Variants in AGBL4 observed in about 807,000 individuals in gnomAD.
AGBL4 encodes cytosolic carboxypeptidase 6.
A neutral mutation model predicts 66.4 loss-of-function variants in AGBL4; 58 were observed. That is an observed-to-expected ratio of 0.87 (90% CI 0.71 to 1.09). AGBL4 has a LOEUF of 1.09. Ranked by LOEUF, AGBL4 falls within the 50% of genes least tolerant of loss-of-function variation. The pLI is 0.00. For missense variants in AGBL4, 579 were observed against 631.0 expected (o/e 0.92, Z 0.88); for synonymous variants, 234 against 222.9 (o/e 1.05, Z -0.44).
At chr1:49,151,959 A>G (rs1465346851) in intron 4 of AGBL4, among the ~76,000 whole-genome samples, 1 of 152,184 alleles carries the variant, frequency 6.6e-6, no homozygotes, top group East Asian at 1.9e-4. Context: ...GAAGGCAACA[A>G]ATAGGAAAAA....
At chr1:49,790,121 G>A (rs561328686) in intron 2 of AGBL4, among the ~76,000 whole-genome samples, 3 of 152,254 alleles carry the variant, frequency 2.0e-5, no homozygotes, top group Admixed American at 2.0e-4. Context: ...GCTCACGCCT[G>A]TAATCCCAGC....
At chr1:49,307,326 AAAAC>A (rs1248325411) in intron 3 of AGBL4, among the ~76,000 whole-genome samples, 4 of 152,104 alleles carry the variant, frequency 2.6e-5, no homozygotes, top group African/African-American at 9.7e-5. Flanking sequence ...GATGAAAACA[AAAAC>A]AAAAACAAAA....
At chr1:48,967,695 G>T (rs748659501) in intron 5 of AGBL4, among the ~76,000 whole-genome samples, 71 of 152,258 alleles carry the variant, frequency 4.7e-4, no homozygotes, top group Admixed American at 2.6e-3. Context: ...AGTAGGAAAT[G>T]GGTAGAAAGG....
chr1:49,437,144 C>T (rs897423358), intron 3 of AGBL4, among the ~76,000 whole-genome samples: 2 of 152,048 alleles, frequency 1.3e-5, no homozygotes, highest in Non-Finnish European at 2.9e-5. Flanking sequence ...GAGGACAGCC[C>T]GGGTCAGAGA....
chr1:49,550,897 C>T (rs938905224), intron 3 of AGBL4, among the ~76,000 whole-genome samples: 6 of 152,096 alleles, frequency 3.9e-5, no homozygotes, highest in African/African-American at 1.2e-4. Flanking sequence ...ATATGTTTTC[C>T]AAGCTTTTAG....
intron 6 of AGBL4, among the ~76,000 whole-genome samples, chr1:48,677,436 G>T (rs1191478017): frequency 6.6e-6 from 1 of 152,092 alleles, no homozygotes; most frequent in African/African-American, 2.4e-5. Flanking sequence ...ACAGATCCAG[G>T]CTCCTAGGAG....
chr1:49,075,707 A>T (rs908200282), intron 4 of AGBL4, among the ~76,000 whole-genome samples: 4 of 152,180 alleles, frequency 2.6e-5, no homozygotes, highest in Admixed American at 6.5e-5. Flanking sequence ...AAACTAATGA[A>T]CTGTGTTTCC....
At chr1:49,214,301 G>A (rs1396047824) in intron 4 of AGBL4, among the ~76,000 whole-genome samples, 1 of 152,088 alleles carries the variant, frequency 6.6e-6, no homozygotes, top group African/African-American at 2.4e-5. Context: ...TCCAGTACAC[G>A]ATGCACAAAA....
At chr1:48,651,232 C>G (rs1645924878) in intron 8 of AGBL4, among the ~76,000 whole-genome samples, 1 of 152,152 alleles carries the variant, frequency 6.6e-6, no homozygotes, top group African/African-American at 2.4e-5. Context: ...GGTGAAACCA[C>G]TTCTGAGGGT....
intron 1 of AGBL4, among the ~76,000 whole-genome samples, chr1:50,002,359 CTTTTTTTTTTTTT>C (rs372960346): frequency 5.8e-4 from 56 of 96,024 alleles, no homozygotes; most frequent in Admixed American, 6.4e-4. Context: ...TGCCCTAGTT[CTTTTTTTTTTTTT>C]TTTTTTTTTT....
chr1:48,623,930 C>G (rs918755574), intron 9 of AGBL4, among the ~76,000 whole-genome samples: 7 of 152,210 alleles, frequency 4.6e-5, no homozygotes, highest in African/African-American at 1.4e-4. Context: ...GAGTGTCAGA[C>G]TACCCACAGA....
At chr1:49,197,993 T>C (rs1474625308) in intron 4 of AGBL4, among the ~76,000 whole-genome samples, 1 of 152,154 alleles carries the variant, frequency 6.6e-6, no homozygotes, top group African/African-American at 2.4e-5. Flanking sequence ...TTGAGAATGG[T>C]GTCCACACCC....
chr1:49,698,610 T>C (rs1647030599), intron 2 of AGBL4, among the ~76,000 whole-genome samples: 1 of 152,024 alleles, frequency 6.6e-6, no homozygotes, highest in South Asian at 2.1e-4. Flanking sequence ...CACTAGACAA[T>C]ATAGCTGTCT....
intron 4 of AGBL4, among the ~76,000 whole-genome samples, chr1:49,054,793 A>G (rs1023829757): frequency 3.3e-5 from 5 of 152,006 alleles, no homozygotes; most frequent in African/African-American, 1.2e-4. Context: ...TTGAGTCTTT[A>G]ATAAAGGCTC....
At chr1:50,013,938 T>A (rs1046115095) in intron 1 of AGBL4, among the ~76,000 whole-genome samples, 1 of 152,216 alleles carries the variant, frequency 6.6e-6, no homozygotes, top group South Asian at 2.1e-4. Context: ...AGTATCTCCA[T>A]TTAAACATGA....
the AGBL4 span, among the ~76,000 whole-genome samples, chr1:48,524,848 CTTT>C: frequency 6.9e-6 from 1 of 144,344 alleles, no homozygotes; most frequent in Non-Finnish European, 1.5e-5. Context: ...CAGCTTTCTC[CTTT>C]TTTTTTTTTT....
chr1:49,062,277 C>T (rs1644416922), intron 4 of AGBL4, among the ~76,000 whole-genome samples: 1 of 152,182 alleles, frequency 6.6e-6, no homozygotes, highest in Admixed American at 6.5e-5. Context: ...TCTTTGGTCT[C>T]ACTTCCTCTA....
In AGBL4 at chr1:48,881,726, A is replaced by G. The variant is rs145651529; in HGVS notation, c.595-14496T>C. 2.0e-3 allele frequency among the ~76,000 whole-genome samples: 305 copies of G among 152,268 alleles called. 2 individuals carry two copies. Among genetic ancestry groups the G allele is most frequent in the African/African-American group, 7.1e-3 (293 of 41,554 alleles). The stretch of plus-strand genomic sequence containing the variant: ...ATAATGTCACTTCTCACAAGGCATG[A>G]CAAGCTTTGCTCATCAAAGACACTG... On this transcript the variant is annotated intron_variant, in intron 5 of 13. Transcript: ENST00000371839.
intron 5 of AGBL4, among the ~76,000 whole-genome samples, chr1:48,922,310 G>A (rs1486034004): frequency 6.6e-6 from 1 of 152,154 alleles, no homozygotes; most frequent in African/African-American, 2.4e-5. Context: ...AACGGCTTTG[G>A]CAACTGCATT....
Sources: allele counts gnomAD v4.1 joint callset (sites outside exome capture counted in the v4.1 genomes callset), GRCh38; gene constraint gnomAD v4.1.1; transcripts MANE v1.5; gene names NCBI Gene and HGNC (gene_info 2026-07-23, HGNC 2026-07-21).